Variants in ZC4H2 observed in about 807,000 individuals in gnomAD.
The protein encoded by ZC4H2 is zinc finger C4H2 domain-containing protein.
For synonymous variants in ZC4H2, 84 were observed against 66.3 expected, an observed-to-expected ratio of 1.27 and a Z score of -1.30; for missense variants, 137 against 173.9, an observed-to-expected ratio of 0.79 and a Z score of 1.19.
chrX:64,959,642 T>C (rs1284574607), intron 1 of ZC4H2, among the ~76,000 whole-genome samples: 1 of 109,016 alleles, frequency 9.2e-6, no homozygotes, highest in African/African-American at 3.3e-5. Flanking sequence ...TTTGAGGACA[T>C]TTTAAATGAC....
At chrX:65,001,444 G>T (rs1932532601) in intron 1 of ZC4H2, among the ~76,000 whole-genome samples, 1 of 112,004 alleles carries the variant, frequency 8.9e-6, no homozygotes, top group Admixed American at 9.4e-5. Context: ...CCTGAAGGAA[G>T]CACTAAACAT....
intron 1 of ZC4H2, among the ~76,000 whole-genome samples, chrX:64,985,226 G>T (rs1208979184): frequency 8.9e-6 from 1 of 111,774 alleles, no homozygotes; most frequent in African/African-American, 3.3e-5. Flanking sequence ...TAGTGGGATT[G>T]CTGGGTTGAA....
intron 1 of ZC4H2, among the ~76,000 whole-genome samples, chrX:65,025,951 T>C (rs187411828): frequency 8.9e-6 from 1 of 112,238 alleles, no homozygotes; most frequent in East Asian, 2.8e-4. Flanking sequence ...CCCAGCCACA[T>C]AACACATAAA....
At chrX:64,944,289 T>C (rs994921723) in intron 1 of ZC4H2, among the ~76,000 whole-genome samples, 1 of 109,011 alleles carries the variant, frequency 9.2e-6, no homozygotes, top group Non-Finnish European at 1.9e-5. Flanking sequence ...TACAGGTGCC[T>C]GCCACCATGC....
intron 1 of ZC4H2, among the ~76,000 whole-genome samples, chrX:65,020,325 T>A (rs1368930093): frequency 1.8e-5 from 2 of 111,785 alleles, no homozygotes; most frequent in African/African-American, 3.3e-5. Flanking sequence ...CCCATCAGAC[T>A]ACAGCAGATC....
intron 1 of ZC4H2, among the ~76,000 whole-genome samples, chrX:65,012,316 C>A (rs1257313818): frequency 9.3e-6 from 1 of 107,268 alleles, no homozygotes; most frequent in African/African-American, 3.4e-5. Context: ...TAATTGCAAT[C>A]TTTAAGTCAC....
chrX:64,937,985 T>C (rs1309872105), intron 1 of ZC4H2, among the ~76,000 whole-genome samples: 1 of 111,235 alleles, frequency 9.0e-6, no homozygotes, highest in Non-Finnish European at 1.9e-5. Context: ...AAAAAATCAA[T>C]GAATTCAAGA....
intron 1 of ZC4H2, among the ~76,000 whole-genome samples, chrX:64,936,420 G>A (rs1007346879): frequency 9.0e-6 from 1 of 110,867 alleles, no homozygotes; most frequent in African/African-American, 3.3e-5. Context: ...GAAATACAGA[G>A]AACACCTCAA....
At chrX:64,970,758 C>T (rs762200251) in intron 1 of ZC4H2, among the ~76,000 whole-genome samples, 41 of 111,589 alleles carry the variant, frequency 3.7e-4, no homozygotes, top group South Asian at 2.3e-3. Context: ...CATTCTAGAA[C>T]GAGGAATCTG....
chrX:65,006,832 A>G (rs1302089117), intron 1 of ZC4H2, among the ~76,000 whole-genome samples: 2 of 112,212 alleles, frequency 1.8e-5, no homozygotes, highest in Non-Finnish European at 3.8e-5. Context: ...AATTTTAAAC[A>G]TTAAAAGTAG....
At chrX:65,000,616 G>A (rs1427302026) in intron 1 of ZC4H2, among the ~76,000 whole-genome samples, 3 of 111,818 alleles carry the variant, frequency 2.7e-5, no homozygotes, top group East Asian at 5.6e-4. Context: ...GGCTTCAGAA[G>A]GTGGGTAACA....
chrX:64,918,923 C>G, intron 4 of ZC4H2, 119 bp downstream of exon 4: 9 of 931,484 alleles, frequency 9.7e-6, no homozygotes, highest in Non-Finnish European at 1.3e-5. Context: ...GTGTCACAAG[C>G]AAAGGCCATT....
At chrX:65,012,232 A>T (rs1327468703) in intron 1 of ZC4H2, among the ~76,000 whole-genome samples, 9 of 105,354 alleles carry the variant, frequency 8.5e-5, no homozygotes, top group African/African-American at 2.7e-4. Context: ...CTCAAAAAAA[A>T]AAAAAAAAAA....
chrX:65,015,012 C>T (rs186699252), intron 1 of ZC4H2, among the ~76,000 whole-genome samples: 24 of 111,872 alleles, frequency 2.1e-4, no homozygotes, highest in African/African-American at 7.1e-4. Context: ...GTCCATTTGG[C>T]TAATCATTGG....
intron 1 of ZC4H2, among the ~76,000 whole-genome samples, chrX:65,008,710 G>T (rs776254090): frequency 3.6e-5 from 4 of 112,172 alleles, no homozygotes; most frequent in Non-Finnish European, 7.5e-5. Flanking sequence ...GGTAAGTCAG[G>T]CATAGAATGA....
chrX:64,954,991 C>T (rs1255959720), intron 1 of ZC4H2, among the ~76,000 whole-genome samples: 2 of 111,647 alleles, frequency 1.8e-5, no homozygotes, highest in Non-Finnish European at 3.8e-5. Context: ...TAAGCATGGA[C>T]TCATGGAGAA....
At chrX:64,942,192 T>C (rs755538979) in intron 1 of ZC4H2, among the ~76,000 whole-genome samples, 1 of 111,771 alleles carries the variant, frequency 8.9e-6, no homozygotes, top group Non-Finnish European at 1.9e-5. Context: ...AAGGTGTTTT[T>C]AGTATTCTCT....
At chrX:64,922,103 C>A in intron 1 of ZC4H2, 115 bp from the exon 2 acceptor site, 1 of 1,103,958 alleles carries the variant, frequency 9.1e-7, no homozygotes. Flanking sequence ...CAGGCAGAGC[C>A]AACCTGAGGC....
intron 1 of ZC4H2, among the ~76,000 whole-genome samples, chrX:64,943,119 T>G (rs1930370579): frequency 8.9e-6 from 1 of 112,326 alleles, no homozygotes; most frequent in African/African-American, 3.2e-5. Flanking sequence ...GCTGCATAAA[T>G]GTCTTCTTTT....
Sources: allele counts gnomAD v4.1 joint callset (sites outside exome capture counted in the v4.1 genomes callset), GRCh38; gene constraint gnomAD v4.1.1; transcripts MANE v1.5; gene names NCBI Gene and HGNC (gene_info 2026-07-23, HGNC 2026-07-21).